Variants in ABCA13 observed in about 807,000 individuals in gnomAD.
The protein encoded by ABCA13 is ATP binding cassette subfamily A member 13.
ABCA13 carries 476 observed loss-of-function variants against 478.7 expected under a neutral mutation model. That is an observed-to-expected ratio of 0.99 (90% CI 0.92 to 1.07). The LOEUF is 1.07. ABCA13 is among the 50% of genes least tolerant of loss of function. ABCA13 has a pLI of 0.00. For missense variants in ABCA13, 6,060 were observed against 5,910.6 expected, an observed-to-expected ratio of 1.03 and a Z score of -0.83; for synonymous variants, 2,252 against 2,158.9, an observed-to-expected ratio of 1.04 and a Z score of -1.20.
chr7:48,473,948 G>A (rs1190678193), intron 45 of ABCA13, among the ~76,000 whole-genome samples: 2 of 152,194 alleles, frequency 1.3e-5, no homozygotes, highest in Admixed American at 1.3e-4. Flanking sequence ...TGGTTGATAT[G>A]GGAGAGGTTT....
chr7:48,300,783 T>A (rs907030829), intron 23 of ABCA13, among the ~76,000 whole-genome samples: 1 of 152,140 alleles, frequency 6.6e-6, no homozygotes, highest in African/African-American at 2.4e-5. Context: ...ATCACCCAAT[T>A]AAAACCACAA....
At chr7:48,486,137 G>T (rs2130625951) in intron 47 of ABCA13, among the ~76,000 whole-genome samples, 1 of 152,234 alleles carries the variant, frequency 6.6e-6, no homozygotes, top group South Asian at 2.1e-4. Flanking sequence ...GAGATATGCT[G>T]CTCTCTCTAA....
At chr7:48,182,153 G>A (rs938212085) in intron 1 of ABCA13, among the ~76,000 whole-genome samples, 3 of 152,114 alleles carry the variant, frequency 2.0e-5, no homozygotes, top group Middle Eastern at 3.4e-3. Context: ...ATCCTAACTC[G>A]ACCATAATAA....
Position 48,272,407 on chromosome 7 carries a change from C to G in ABCA13, c.2741C>G (p.Ser914Ter). 1 of 1,613,782 alleles carries G rather than the reference C, an allele frequency of 6.2e-7. No individual in the cohort carries two copies. Among genetic ancestry groups the G allele is most frequent in the Non-Finnish European group, 8.5e-7 (1 of 1,179,764 alleles). The change falls in exon 17 of 62, where the codon TCA becomes TGA. Residue 914 changes from serine to a stop codon, truncating the protein, a stop_gained. Transcript: ENST00000435803. LOFTEE classifies it high-confidence loss of function. ...GGATTTTTGGAGCAGGAACAGATCT[C>G]AGAAGCTCTGAACACAGTCTACGCT... is the stretch of plus-strand genomic sequence containing the variant. ...EFGFLEQEQI[S>*]EALNTVYAIR...
At chr7:48,295,979 G>T in intron 21 of ABCA13, 116 bp downstream of exon 21, 2 of 1,218,858 alleles carry the variant, frequency 1.6e-6, no homozygotes. Context: ...CTCTTAATGT[G>T]CATATTAATA....
In ABCA13 at chr7:48,274,038, T is replaced by A. The variant is rs375864377; in HGVS notation, c.4372T>A (p.Cys1458Ser). 4 of 1,605,756 alleles carry A rather than the reference T, an allele frequency of 2.5e-6. No individual in the cohort carries two copies. Among genetic ancestry groups the A allele is most frequent in the Non-Finnish European group, 3.4e-6 (4 of 1,174,202 alleles). The change falls in exon 17 of 62, where the codon TGT becomes AGT. Residue 1458 changes from cysteine to serine, a missense_variant. By Grantham distance (112) the Cys-to-Ser change is moderately radical. This residue lies in a region of ABCA13 where 4,423 missense variants were observed against 4,309.1 expected (regional missense o/e 1.03). Coordinates refer to ENST00000435803, the MANE Select transcript of ABCA13 (RefSeq NM_152701.5). Reference sequence around the variant, plus strand: ...TTCATCAAATGGCTCACATATAAATTGTGTCAATATTTACTTGAAAGATGT... The same window carrying A: ...TTCATCAAATGGCTCACATATAAATAGTGTCAATATTTACTTGAAAGATGT... ...LCSSNGSHIN[C>S]VNIYLKDVTD...
chr7:48,297,495 A>C (rs1388653963), intron 22 of ABCA13, among the ~76,000 whole-genome samples, 184 bp downstream of exon 22: 2 of 152,218 alleles, frequency 1.3e-5, no homozygotes, highest in African/African-American at 2.4e-5. Flanking sequence ...CTAGGGTACC[A>C]TGTTGAAGCA....
intron 27 of ABCA13, among the ~76,000 whole-genome samples, chr7:48,330,030 T>TATCCATCCATCCATCCATCCATCCATCC (rs59122878): frequency 7.2e-6 from 1 of 139,612 alleles, no homozygotes; most frequent in Non-Finnish European, 1.6e-5. Context: ...TTGATCTATT[T>TATCCATCCATCCATCCATCCATCCATCC]ATCCATCCAT....
chr7:48,570,517 G>A lies in ABCA13; in HGVS notation c.14355-9707G>A, dbSNP rs568188193. On this transcript the variant is annotated intron_variant, in intron 55 of 61. Transcript: ENST00000435803. ...TTTTTTGTTTTTTAGTAGAGACGGG[G>A]TTTCACCATGTTAGCCAGGGTGGTC... 4.0e-5 allele frequency among the ~76,000 whole-genome samples: 6 copies of A among 151,666 alleles called. No individual in the cohort carries two copies. In the South Asian group the frequency reaches 1.0e-3, roughly 26 times the overall value.
Position 48,561,343 on chromosome 7 carries a change from A to G in ABCA13, c.14355-18881A>G, listed in dbSNP as rs947641061. On this transcript the variant is annotated intron_variant, in intron 55 of 61. Coordinates refer to ENST00000435803, the MANE Select transcript of ABCA13 (RefSeq NM_152701.5). ...ATACTTTCTCTTTCATAATGTTTAT[A>G]CTAATACACTTTCCTATCAATAGCA... Among the ~76,000 whole-genome samples the G allele has an allele frequency of 2.0e-5, 3 of 152,080 alleles. No homozygotes were observed. In the East Asian group the frequency reaches 5.8e-4, roughly 29 times the overall value.
chr7:48,266,861 A>G (rs945670060), intron 15 of ABCA13, among the ~76,000 whole-genome samples: 22 of 151,942 alleles, frequency 1.4e-4, no homozygotes, highest in Non-Finnish European at 2.1e-4. Flanking sequence ...GAGGCATCCC[A>G]CAAATACTGG....
At chr7:48,525,398 G>A (rs1176389788) in intron 54 of ABCA13, among the ~76,000 whole-genome samples, 7 of 152,100 alleles carry the variant, frequency 4.6e-5, no homozygotes. Context: ...GAGGCAAAGG[G>A]GTGTGGGAGG....
At chr7:48,566,705 T>C (rs908792140) in intron 55 of ABCA13, among the ~76,000 whole-genome samples, 1 of 152,116 alleles carries the variant, frequency 6.6e-6, no homozygotes, top group Non-Finnish European at 1.5e-5. Context: ...CCATGGAAAA[T>C]GGGTCCTGTT....
intron 58 of ABCA13, among the ~76,000 whole-genome samples, chr7:48,598,377 A>C (rs563029099): frequency 1.3e-5 from 2 of 152,280 alleles, no homozygotes; most frequent in African/African-American, 4.8e-5. Context: ...ATTTTGAATA[A>C]AGCTGCTTAA....
chr7:48,425,990 C>T (rs1821371363), intron 41 of ABCA13, among the ~76,000 whole-genome samples: 1 of 152,180 alleles, frequency 6.6e-6, no homozygotes, highest in African/African-American at 2.4e-5. Context: ...ATCCGCCCGC[C>T]TCGGCCTCCC....
At chr7:48,351,978 G>A (rs560849134) in intron 30 of ABCA13, among the ~76,000 whole-genome samples, 5 of 152,328 alleles carry the variant, frequency 3.3e-5, no homozygotes, top group African/African-American at 1.2e-4. Flanking sequence ...AGGGAATTAA[G>A]AGATCTTGGT....
At chr7:48,536,648 A>C (rs1159429769) in intron 55 of ABCA13, among the ~76,000 whole-genome samples, 1 of 121,750 alleles carries the variant, frequency 8.2e-6, no homozygotes, top group South Asian at 2.6e-4. Flanking sequence ...ACTCCATCTC[A>C]AAAAAAAAAA....
chr7:48,402,937 G>A (rs1039540408), intron 38 of ABCA13, among the ~76,000 whole-genome samples: 2 of 152,228 alleles, frequency 1.3e-5, no homozygotes, highest in East Asian at 1.9e-4. Flanking sequence ...GTAACAATGA[G>A]TAAGATGGTA....
chr7:48,254,142 T>G (rs938990824), intron 15 of ABCA13, among the ~76,000 whole-genome samples: 3 of 152,158 alleles, frequency 2.0e-5, no homozygotes, highest in African/African-American at 7.2e-5. Context: ...AATTTTCATT[T>G]TATTTTATAG....
Sources: allele counts gnomAD v4.1 joint callset (sites outside exome capture counted in the v4.1 genomes callset), GRCh38; gene constraint gnomAD v4.1.1; regional missense constraint gnomAD v4.1.1; transcripts MANE v1.5; gene names NCBI Gene and HGNC (gene_info 2026-07-23, HGNC 2026-07-21).